DENND6A: variants seen among roughly 807,000 people sequenced by gnomAD.
DENND6A encodes the protein protein DENND6A.
In DENND6A, 43 loss-of-function variants were observed where a neutral mutation model predicts 95.5. The ratio of observed to expected loss-of-function variants is 0.45; its 90% CI spans 0.35 to 0.58. The LOEUF (loss-of-function observed/expected upper bound fraction) is 0.58, where lower values mean the gene tolerates loss of function less well. DENND6A is among the 20% of genes least tolerant of loss of function. The pLI, the probability that DENND6A is intolerant of heterozygous loss-of-function variation, is 0.00. For missense variants in DENND6A, 574 were observed against 736.0 expected (o/e 0.78, Z 2.55); for synonymous variants, 257 against 260.4 (o/e 0.99, Z 0.13).
At chr3:57,676,144 G>A (rs745954765) in intron 1 of DENND6A, among the ~76,000 whole-genome samples, 3 of 151,912 alleles carry the variant, frequency 2.0e-5, no homozygotes, top group Non-Finnish European at 2.9e-5. Context: ...TTGGGAGGCC[G>A]GGGTGGGCAG....
intron 5 of DENND6A, among the ~76,000 whole-genome samples, chr3:57,662,191 T>TTC (rs1553742425): frequency 2.4e-5 from 3 of 122,830 alleles, no homozygotes; most frequent in East Asian, 2.2e-4. Context: ...TTTTCTTTTT[T>TTC]TTTTTTTTTT....
intron 9 of DENND6A, among the ~76,000 whole-genome samples, chr3:57,650,153 G>C (rs923484530): frequency 4.6e-5 from 7 of 151,918 alleles, no homozygotes; most frequent in Admixed American, 2.6e-4. Flanking sequence ...AGGGAGGGAG[G>C]GGGTGAGGGA....
intron 8 of DENND6A, 74 bp downstream of exon 8, chr3:57,659,044 G>A: frequency 7.3e-7 from 1 of 1,370,810 alleles, no homozygotes; most frequent in Non-Finnish European, 1.0e-6. Flanking sequence ...AAGAAACTCT[G>A]CATTTGCTAG....
At chr3:57,658,966 T>A (rs1319497907) in intron 8 of DENND6A, 152 bp downstream of exon 8, 3 of 645,938 alleles carry the variant, frequency 4.6e-6, no homozygotes, top group Non-Finnish European at 7.5e-6. Flanking sequence ...TTAGAAAATA[T>A]ATTACCAATT....
intron 9 of DENND6A, among the ~76,000 whole-genome samples, chr3:57,651,064 G>A (rs760204849): frequency 5.3e-5 from 8 of 152,070 alleles, no homozygotes; most frequent in African/African-American, 1.4e-4. Flanking sequence ...GATTACAGGC[G>A]TGAGCCACTG....
chr3:57,646,392 C>T lies in DENND6A; in HGVS notation c.865G>A (p.Val289Met), dbSNP rs980682698. 7 of 1,613,956 alleles carry T rather than the reference C, an allele frequency of 4.3e-6. No homozygotes were observed. Among genetic ancestry groups the T allele is most frequent in the African/African-American group, 1.3e-5 (1 of 74,934 alleles). The change falls in exon 10 of 20, where the codon GTG (valine) becomes ATG (methionine). Residue 289 changes from valine to methionine, a missense_variant. Physicochemically the swap from Val to Met is conservative, Grantham distance 21. Transcript: ENST00000311128. ...ACCACAAGGGGCTCCCCCAACAGCA[C>T]CAGCTCCCAGAGCATCTGACTATGA... ...FLHSQMLWEL[V>M]LLGEPLVVMA... is the part of the protein sequence containing the mutation.
At chr3:57,642,100 G>T (rs1181978282) in intron 11 of DENND6A, among the ~76,000 whole-genome samples, 1 of 151,994 alleles carries the variant, frequency 6.6e-6, no homozygotes, top group Non-Finnish European at 1.5e-5. Flanking sequence ...AGATCACGAG[G>T]TTAGGAGTTC....
At chr3:57,675,476 C>T (rs1309531075) in intron 1 of DENND6A, among the ~76,000 whole-genome samples, 4 of 152,088 alleles carry the variant, frequency 2.6e-5, no homozygotes, top group African/African-American at 9.7e-5. Flanking sequence ...AAAAATGAAA[C>T]GGAAAAATAA....
Position 57,630,357 on chromosome 3 carries a change from C to T in DENND6A, c.1620+64G>A, listed in dbSNP as rs747063433. 1.1e-5 allele frequency: 16 copies of T among 1,410,106 alleles called. No homozygotes were observed. In the East Asian group the frequency reaches 3.6e-4, roughly 31 times the overall value. 87.3% of individuals were successfully genotyped at this position (1,410,106 alleles called of 1,614,324 possible). A position where few individuals can be genotyped will look rare whatever the true frequency, so the allele number is the denominator to read the frequency against. On this transcript the variant is annotated intron_variant, in intron 18 of 19. Transcript: ENST00000311128. ...GGATAAAGGGTACAATCTTCAACTT[C>T]TAAGCATAATTATCTTTATTTTCAA...
chr3:57,654,551 G>C (rs1468602955), intron 9 of DENND6A: 54 of 863,470 alleles, frequency 6.3e-5, no homozygotes, highest in Non-Finnish European at 7.5e-5. Context: ...ATTGTACTAG[G>C]AACAAATAGC....
chr3:57,653,915 G>A (rs1010085712), intron 9 of DENND6A, among the ~76,000 whole-genome samples: 3 of 146,494 alleles, frequency 2.0e-5, no homozygotes, highest in Non-Finnish European at 4.5e-5. Flanking sequence ...AAACAGCCAT[G>A]CCTTGGGAAA....
chr3:57,660,666 C>A (rs2071405961), intron 7 of DENND6A, 94 bp downstream of exon 7: 1 of 1,099,756 alleles, frequency 9.1e-7, no homozygotes, highest in Non-Finnish European at 1.3e-6. Context: ...TGTGATCATG[C>A]CACTGTACTC....
chr3:57,663,623 G>A lies in DENND6A; in HGVS notation c.513+13C>T. 1 of 1,563,482 alleles carries A rather than the reference G, an allele frequency of 6.4e-7. No homozygotes were observed. The highest frequency in any genetic ancestry group is 8.7e-7 in the Non-Finnish European group (1 of 1,149,616). On this transcript the variant is annotated intron_variant, in intron 5 of 19. Coordinates refer to ENST00000311128, the MANE Select transcript of DENND6A (RefSeq NM_152678.3). ...TAAAAAATACTTTTTTTATTAGTGT[G>A]TATGACAATTACCTTCTGAAAGTAG...
At chr3:57,679,361 T>C in intron 1 of DENND6A, 1 of 342,772 alleles carries the variant, frequency 2.9e-6, no homozygotes, top group Non-Finnish European at 4.1e-6. Context: ...TCTTTCTTTT[T>C]CATTGTTGTT....
chr3:57,674,433 C>T (rs2071675188), intron 1 of DENND6A, among the ~76,000 whole-genome samples: 1 of 150,216 alleles, frequency 6.7e-6, no homozygotes, highest in Non-Finnish European at 1.5e-5. Flanking sequence ...GAGTTCAAGA[C>T]CAGCCTGGCC....
At chr3:57,661,024 CAT>C (rs746708532) in intron 6 of DENND6A, among the ~76,000 whole-genome samples, 185 bp from the exon 7 acceptor site, 17 of 152,244 alleles carry the variant, frequency 1.1e-4, no homozygotes, top group Non-Finnish European at 1.6e-4. Context: ...CAGAAATACA[CAT>C]GTTCTAGGAT....
At chr3:57,688,194 C>T (rs1413795189) in intron 1 of DENND6A, among the ~76,000 whole-genome samples, 1 of 151,844 alleles carries the variant, frequency 6.6e-6, no homozygotes, top group Non-Finnish European at 1.5e-5. Flanking sequence ...TGGGGTTTTA[C>T]CATGTTGGCT....
chr3:57,661,044 G>A (rs908950138), intron 6 of DENND6A, among the ~76,000 whole-genome samples: 3 of 152,008 alleles, frequency 2.0e-5, no homozygotes, highest in Admixed American at 2.0e-4. Flanking sequence ...GATATAAATT[G>A]GTTAATTTAT....
chr3:57,685,227 A>C (rs1255234304), intron 1 of DENND6A, among the ~76,000 whole-genome samples: 3 of 151,976 alleles, frequency 2.0e-5, no homozygotes, highest in African/African-American at 7.2e-5. Context: ...CCAGCCTAGA[A>C]TTCTTGTTTA....
Sources: gnomAD v4.1 joint callset for allele counts (sites outside exome capture counted in the v4.1 genomes callset) on GRCh38, gnomAD v4.1.1 for gene constraint, MANE v1.5 for transcripts, NCBI Gene and HGNC (gene_info 2026-07-23, HGNC 2026-07-21) for gene names.